The following SELENOV variants were observed in gnomAD, a reference collection of about 807,000 sequenced individuals.
The protein encoded by SELENOV is selenoprotein V.
In SELENOV, 25 loss-of-function variants were observed where a neutral mutation model predicts 21.6. That is an observed-to-expected ratio of 1.16 (90% CI 0.84 to 1.62). SELENOV has a LOEUF of 1.62. Among genes scored for constraint, SELENOV ranks in the 40% most tolerant of loss-of-function variants. The pLI, the probability that SELENOV is intolerant of heterozygous loss-of-function variation, is 0.00. For synonymous variants in SELENOV, 227 were observed against 216.9 expected (o/e 1.05, Z -0.41); for missense variants, 472 against 459.0 (o/e 1.03, Z -0.26).
chr19:39,516,338 C>A, intron 1 of SELENOV: 1 of 510,018 alleles, frequency 2.0e-6, no homozygotes, highest in Non-Finnish European at 3.7e-6. Flanking sequence ...TGCTCCCCAG[C>A]AAGACCAACC....
intron 4 of SELENOV, 26 bp downstream of exon 4, chr19:39,519,003 A>AG (rs1252882783): frequency 3.7e-6 from 6 of 1,612,824 alleles, no homozygotes; most frequent in Non-Finnish European, 5.1e-6. Flanking sequence ...GGTCCGGGAC[A>AG]GGGAGGTGGG....
chr19:39,516,515 A>C (rs2079697772), intron 1 of SELENOV, among the ~76,000 whole-genome samples: 2 of 143,266 alleles, frequency 1.4e-5, no homozygotes, highest in African/African-American at 5.2e-5. Flanking sequence ...TCCCCACCTC[A>C]CTCTCTCTCT....
In SELENOV at chr19:39,515,424, C is replaced by T. The variant is rs566071020; in HGVS notation, c.212C>T (p.Thr71Ile). ...ACTCCTGCTCCAGCCCAGATTCCCACTCTGGTCCCCACTCCCGCTCTGGCC... is the reference window on the plus strand; with the variant it reads ...ACTCCTGCTCCAGCCCAGATTCCCATTCTGGTCCCCACTCCCGCTCTGGCC... Residue 71 changes from threonine to isoleucine, a missense_variant, in exon 1 of 6, where the codon ACT (threonine) becomes ATT (isoleucine). Transcript: ENST00000335426. The surrounding 1 kb of genome is among the most constrained non-coding windows in gnomAD (Gnocchi z 5.1). 6.4e-6 allele frequency: 10 copies of T among 1,551,512 alleles called. No homozygotes were observed. The highest frequency in any genetic ancestry group is 8.7e-6 in the Non-Finnish European group (10 of 1,146,962).
chr19:39,516,987 G>A lies in SELENOV; in HGVS notation c.809+966G>A, dbSNP rs190791999. ...GCTGGGATTATAGGTGTGAGCCACC[G>A]CGCCTGGCCCCTAATTTTTAAATTT... On this transcript the variant is annotated intron_variant, in intron 1 of 5. Coordinates refer to ENST00000335426, the Ensembl canonical transcript of SELENOV. Among the ~76,000 whole-genome samples the A allele has an allele frequency of 1.1e-3, 174 of 152,036 alleles. 1 individual carries two copies. Among genetic ancestry groups the A allele is most frequent in the Non-Finnish European group, 2.2e-3 (149 of 67,990 alleles).
Position 39,515,930 on chromosome 19 carries a change from G to A in SELENOV, c.718G>A (p.Ala240Thr), listed in dbSNP as rs1486642149. 1 of 1,605,298 alleles carries A rather than the reference G, an allele frequency of 6.2e-7. No individual in the cohort carries two copies. The highest frequency in any genetic ancestry group is 1.3e-5 in the African/African-American group (1 of 74,858). ...GCCCATCCTGGGGACCATCCCGTCG[G>A]CCATCTCCTTACAGAATTGTACGGA... The change falls in exon 1 of 6, where the codon GCC (alanine) becomes ACC (threonine). Residue 240 changes from alanine to threonine, a missense_variant. Physicochemically the swap from Ala to Thr is moderately conservative, Grantham distance 58. Transcript: ENST00000335426. The surrounding 1 kb of genome is among the most constrained non-coding windows in gnomAD (Gnocchi z 5.1).
rs1258347633 is a variant in SELENOV, at chr19:39,518,400, G to T, written c.810-208G>T. On this transcript the variant is annotated intron_variant, in intron 1 of 5. Transcript: ENST00000335426. ...AGTGGGAGAAGATGGAGACAGAGGG[G>T]TGAGAAGGCAGATCCTGTGGTGGCT... is the stretch of plus-strand genomic sequence containing the variant. 3.1e-5 allele frequency: 19 copies of T among 617,042 alleles called. No homozygotes were observed. The Middle Eastern group carries it at 1.3e-3, about 42-fold the overall frequency. 38.2% of individuals were successfully genotyped at this position (617,042 alleles called of 1,614,324 possible).
intron 5 of SELENOV, among the ~76,000 whole-genome samples, chr19:39,519,529 A>G (rs1280058686): frequency 6.6e-6 from 1 of 152,000 alleles, no homozygotes; most frequent in Non-Finnish European, 1.5e-5. Flanking sequence ...AGCCAGGCAC[A>G]GTGGCTCACG....
rs1568454047 is a variant in SELENOV, at chr19:39,515,228, C to T, written c.16C>T (p.Arg6Trp). 6.5e-7 allele frequency: 1 copy of T among 1,549,060 alleles called. No individual in the cohort carries two copies. Among genetic ancestry groups the T allele is most frequent in the Non-Finnish European group, 8.7e-7 (1 of 1,146,042 alleles). ...CCTGGGCCCCATGAATAACCAGGCG[C>T]GGACCCCAGCCCCCTCCTCGGCGCG... The change falls in exon 1 of 6, where the codon CGG becomes TGG. Residue 6 changes from arginine to tryptophan, a missense_variant. Arg to Trp is a moderately radical substitution (Grantham distance 101). Coordinates refer to ENST00000335426, the Ensembl canonical transcript of SELENOV. The surrounding 1 kb of genome is among the most constrained non-coding windows in gnomAD (Gnocchi z 5.1).
chr19:39,515,625 TC>T lies in SELENOV; in HGVS notation c.417del (p.Val140SerfsTer36). On this transcript the variant is annotated frameshift_variant, in exon 1 of 6. Transcript: ENST00000335426. LOFTEE classifies it high-confidence loss of function. The surrounding 1 kb of genome is among the most constrained non-coding windows in gnomAD (Gnocchi z 5.1). ...CTCCTGGCAGGGATTCGGGCCGCGC[TC>T]CCCGTCTTGGACTCCTACCTGGCCC... 1 of 1,548,142 alleles carries T rather than the reference TC, an allele frequency of 6.5e-7. No homozygotes were observed. Among genetic ancestry groups the T allele is most frequent in the Non-Finnish European group, 8.7e-7 (1 of 1,146,820 alleles).
At chr19:39,518,466 T>A (rs1258310968) in intron 1 of SELENOV, 142 bp from the exon 2 acceptor site, 1 of 816,530 alleles carries the variant, frequency 1.2e-6, no homozygotes, top group African/African-American at 1.7e-5. Context: ...CTGCGTGAGA[T>A]GGCACTACTT....
intron 1 of SELENOV, among the ~76,000 whole-genome samples, chr19:39,516,584 G>A (rs1307801305): frequency 6.6e-6 from 1 of 151,758 alleles, no homozygotes; most frequent in Non-Finnish European, 1.5e-5. Flanking sequence ...CTGGAGTGCA[G>A]TGGTGCAATC....
Position 39,515,477 on chromosome 19 carries a change from G to T in SELENOV, c.265G>T (p.Ala89Ser), listed in dbSNP as rs767345410. 11 of 1,551,084 alleles carry T rather than the reference G, an allele frequency of 7.1e-6. No individual in the cohort carries two copies. Among genetic ancestry groups the T allele is most frequent in the Non-Finnish European group, 9.6e-6 (11 of 1,146,922 alleles). Reference sequence around the variant, plus strand: ...GATCCCCCGTCTGGTTCCGCCTCCTGCTCCGGCCTGGATCCCTACTCCGGT... The same window carrying T: ...GATCCCCCGTCTGGTTCCGCCTCCTTCTCCGGCCTGGATCCCTACTCCGGT... Residue 89 changes from alanine (A) to serine (S), a missense_variant, in exon 1 of 6, where the codon GCT becomes TCT. Coordinates refer to ENST00000335426, the Ensembl canonical transcript of SELENOV. This position sits in a 1 kb window ranked among gnomAD's most constrained non-coding sequence, Gnocchi z 5.1.
chr19:39,515,802 C>T lies in SELENOV; in HGVS notation c.590C>T (p.Pro197Leu). 1 of 1,549,846 alleles carries T rather than the reference C, an allele frequency of 6.5e-7. No individual in the cohort carries two copies. The highest frequency in any genetic ancestry group is 8.7e-7 in the Non-Finnish European group (1 of 1,146,470). Residue 197 changes from proline (P) to leucine (L), a missense_variant, in exon 1 of 6, where the codon CCG becomes CTG. Physicochemically the swap from Pro to Leu is moderately conservative, Grantham distance 98. Transcript: ENST00000335426. The surrounding 1 kb of genome is among the most constrained non-coding windows in gnomAD (Gnocchi z 5.1). ...CCGGGGCCCCTTCCCACGCGCACCCCGCTGGCCGCGAACTCACCCGGGCCC... is the reference window on the plus strand; with the variant it reads ...CCGGGGCCCCTTCCCACGCGCACCCTGCTGGCCGCGAACTCACCCGGGCCC...
In SELENOV at chr19:39,519,177, G is replaced by A. The variant is rs115462534; in HGVS notation, c.*22+7G>A. 1,900 of 1,601,862 alleles carry A rather than the reference G, an allele frequency of 1.2e-3. 22 individuals carry two copies. In the African/African-American group the frequency reaches 0.023, roughly 19 times the overall value. On this transcript the variant is annotated splice_region_variant and intron_variant, in intron 5 of 5. Coordinates refer to ENST00000335426, the Ensembl canonical transcript of SELENOV. ...GCAAGGGGTGGAGCTGGAGGTGAGC[G>A]TGGAGCTCCCAAGGCTGCGGTGGGA...
rs370391158 is a variant in SELENOV, at chr19:39,515,676, C to G, written c.464C>G (p.Pro155Arg). ...CCGGCCCTACCTTTGGATCCGCCCC[C>G]GGAACCTGCTCCGGAGCTGCCTTTG... The change falls in exon 1 of 6, where the codon CCG becomes CGG. Residue 155 changes from proline (P) to arginine (R), a missense_variant. By Grantham distance (103) the Pro-to-Arg change is moderately radical. Transcript: ENST00000335426. This position sits in a 1 kb window ranked among gnomAD's most constrained non-coding sequence, Gnocchi z 5.1. 5 of 1,548,816 alleles carry G rather than the reference C, an allele frequency of 3.2e-6. No homozygotes were observed. Among genetic ancestry groups the G allele is most frequent in the Non-Finnish European group, 4.4e-6 (5 of 1,146,814 alleles).
chr19:39,518,229 C>CCAT (rs1398691158), intron 1 of SELENOV, among the ~76,000 whole-genome samples: 1 of 149,522 alleles, frequency 6.7e-6, no homozygotes, highest in Non-Finnish European at 1.5e-5. Flanking sequence ...TGAGATCGCG[C>CCAT]CATTGCACTC....
At chr19:39,517,562 C>T (rs1014706147) in intron 1 of SELENOV, among the ~76,000 whole-genome samples, 9 of 152,006 alleles carry the variant, frequency 5.9e-5, no homozygotes, top group South Asian at 2.1e-4. Context: ...GGTATATGAG[C>T]GAAGCCCTGA....
chr19:39,516,510 AC>A (rs965386607), intron 1 of SELENOV, among the ~76,000 whole-genome samples: 3 of 146,314 alleles, frequency 2.1e-5, no homozygotes, highest in South Asian at 2.2e-4. Flanking sequence ...CTGTCTCCCC[AC>A]CTCACTCTCT....
exon 6 of SELENOV, chr19:39,520,653 CA>C (rs979567853): frequency 6.6e-6 from 1 of 151,810 alleles, no homozygotes; most frequent in Non-Finnish European, 1.5e-5. Context: ...CCCAACTCTA[CA>C]AAAAATAAAA....
Sources: allele counts gnomAD v4.1 joint callset (sites outside exome capture counted in the v4.1 genomes callset), GRCh38; gene constraint gnomAD v4.1.1; non-coding constraint Gnocchi (gnomAD v3.1); transcripts MANE v1.5; gene names NCBI Gene and HGNC (gene_info 2026-07-23, HGNC 2026-07-21).